The following TENM3 variants were observed in gnomAD, a reference collection of about 807,000 sequenced individuals.
TENM3 encodes the protein teneurin-3.
TENM3 carries 63 observed loss-of-function variants against 255.1 expected under a neutral mutation model. That is an observed-to-expected ratio of 0.25 (90% CI 0.20 to 0.30). The LOEUF is 0.30. Ranked by LOEUF, TENM3 falls within the 10% of genes least tolerant of loss-of-function variation. The pLI is 1.00. For synonymous variants in TENM3, 1,306 were observed against 1,322.3 expected, an observed-to-expected ratio of 0.99 and a Z score of 0.27; for missense variants, 2,929 against 3,461.1, an observed-to-expected ratio of 0.85 and a Z score of 3.86.
intron 3 of TENM3, among the ~76,000 whole-genome samples, chr4:182,527,407 A>G (rs1013938357): frequency 6.6e-6 from 1 of 152,172 alleles, no homozygotes; most frequent in African/African-American, 2.4e-5. Flanking sequence ...TAAATGAAGG[A>G]AAGGCTCGTG....
chr4:182,315,914 G>A (rs1762725177), intron 1 of TENM3, among the ~76,000 whole-genome samples: 1 of 152,060 alleles, frequency 6.6e-6, no homozygotes, highest in Admixed American at 6.6e-5. Context: ...AGACATTGAA[G>A]TTTTTCTCTT....
the TENM3 span, among the ~76,000 whole-genome samples, chr4:182,108,027 A>G: frequency 1.3e-5 from 2 of 152,322 alleles, no homozygotes; most frequent in Middle Eastern, 6.8e-3. Context: ...CACCTCAGAT[A>G]CTGTACTAGT....
intron 1 of TENM3, among the ~76,000 whole-genome samples, chr4:182,152,491 C>A (rs1238809854): frequency 6.6e-6 from 1 of 151,406 alleles, no homozygotes; most frequent in Non-Finnish European, 1.5e-5. Flanking sequence ...AGTAGAATAC[C>A]CTATCATGTT....
At chr4:182,299,155 T>C (rs925608703) in intron 1 of TENM3, among the ~76,000 whole-genome samples, 1 of 152,024 alleles carries the variant, frequency 6.6e-6, no homozygotes, top group Non-Finnish European at 1.5e-5. Flanking sequence ...GATTATCTAA[T>C]AATCTGTAAC....
At chr4:181,898,948 G>C in the TENM3 span, among the ~76,000 whole-genome samples, 4 of 151,962 alleles carry the variant, frequency 2.6e-5, no homozygotes, top group Non-Finnish European at 5.9e-5. Context: ...TAAATTATAA[G>C]GTAGTCTTTA....
At chr4:181,474,684 G>A in the TENM3 span, among the ~76,000 whole-genome samples, 2 of 149,958 alleles carry the variant, frequency 1.3e-5, no homozygotes, top group African/African-American at 2.5e-5. Flanking sequence ...GCAGCAAGTC[G>A]AGATCATGCC....
At chr4:182,059,745 CAAAAAAAA>C in the TENM3 span, among the ~76,000 whole-genome samples, 1 of 43,192 alleles carries the variant, frequency 2.3e-5, no homozygotes, top group East Asian at 6.2e-4. Flanking sequence ...TCTGTCTCTA[CAAAAAAAA>C]AAAAAAAAAG....
chr4:182,497,503 A>C (rs968829693), intron 3 of TENM3, among the ~76,000 whole-genome samples: 1 of 152,206 alleles, frequency 6.6e-6, no homozygotes, highest in African/African-American at 2.4e-5. Context: ...TTTTCTAAAA[A>C]TATGGAACAT....
In TENM3 at chr4:182,606,366, A is replaced by G. The variant is rs200590127; in HGVS notation, c.749+5205A>G. ...TGGTGAAACCCCGTCTCTACGAAAA[A>G]TACAAAAATTAGCCAGGCGGGGTGG... On this transcript the variant is annotated intron_variant, in intron 4 of 27. Transcript: ENST00000511685. Among the ~76,000 whole-genome samples the G allele has an allele frequency of 1.3e-4, 20 of 152,060 alleles. No homozygotes were observed. In the East Asian group the frequency reaches 3.9e-3, roughly 30 times the overall value.
intron 3 of TENM3, among the ~76,000 whole-genome samples, chr4:182,556,914 A>G (rs566022122): frequency 1.3e-5 from 2 of 152,338 alleles, no homozygotes; most frequent in South Asian, 4.1e-4. Context: ...AGGGAAGGCA[A>G]GAGGGATGTG....
the TENM3 span, among the ~76,000 whole-genome samples, chr4:182,102,377 G>T: frequency 2.6e-5 from 4 of 152,206 alleles, no homozygotes; most frequent in Non-Finnish European, 5.9e-5. Flanking sequence ...CCTTGAGGAT[G>T]ACTTCGTTGA....
chr4:181,646,984 T>A, the TENM3 span, among the ~76,000 whole-genome samples: 1 of 152,198 alleles, frequency 6.6e-6, no homozygotes, highest in African/African-American at 2.4e-5. Flanking sequence ...TATTTTAAAA[T>A]GACGCATTTT....
the TENM3 span, among the ~76,000 whole-genome samples, chr4:181,786,933 C>A: frequency 6.6e-6 from 1 of 152,132 alleles, no homozygotes; most frequent in Non-Finnish European, 1.5e-5. Context: ...GGATAACTCT[C>A]CTTTCATCTG....
chr4:182,360,608 T>C (rs1288101936), intron 3 of TENM3, among the ~76,000 whole-genome samples: 1 of 152,248 alleles, frequency 6.6e-6, no homozygotes, highest in African/African-American at 2.4e-5. Flanking sequence ...TTTGAGGCTA[T>C]GTGTGTCTCT....
At chr4:181,966,581 A>G in the TENM3 span, among the ~76,000 whole-genome samples, 3 of 152,202 alleles carry the variant, frequency 2.0e-5, no homozygotes, top group Non-Finnish European at 2.9e-5. Context: ...TGCGAGCTGA[A>G]ATCATCTTAT....
At chr4:181,693,054 T>G in the TENM3 span, among the ~76,000 whole-genome samples, 1 of 152,172 alleles carries the variant, frequency 6.6e-6, no homozygotes, top group East Asian at 1.9e-4. Context: ...CAGGCTGTGC[T>G]CGTTCCCAGA....
intron 3 of TENM3, among the ~76,000 whole-genome samples, chr4:182,599,056 T>C (rs143471342): frequency 6.6e-6 from 1 of 152,328 alleles, no homozygotes; most frequent in African/African-American, 2.4e-5. Context: ...TCTCTCTTTG[T>C]TTCTATTCTG....
At chr4:182,055,655 C>T in the TENM3 span, among the ~76,000 whole-genome samples, 1 of 152,224 alleles carries the variant, frequency 6.6e-6, no homozygotes, top group East Asian at 1.9e-4. Context: ...CTCTTGCCAG[C>T]TAGAGAAATG....
At chr4:181,945,410 G>T in the TENM3 span, among the ~76,000 whole-genome samples, 1 of 152,096 alleles carries the variant, frequency 6.6e-6, no homozygotes, top group South Asian at 2.1e-4. Context: ...AGCACGTGGG[G>T]ACGTAGGAAT....
Sources: gnomAD v4.1 joint callset for allele counts (sites outside exome capture counted in the v4.1 genomes callset) on GRCh38, gnomAD v4.1.1 for gene constraint, MANE v1.5 for transcripts, NCBI Gene and HGNC (gene_info 2026-07-23, HGNC 2026-07-21) for gene names.